RSRC1: variants seen among roughly 807,000 people sequenced by gnomAD.
RSRC1 encodes arginine and serine rich coiled-coil 1, also known as serine/Arginine-related protein 53.
RSRC1 carries 39 observed loss-of-function variants against 49.1 expected under a neutral mutation model. That is an observed-to-expected ratio of 0.79 (90% CI 0.61 to 1.04). The LOEUF (loss-of-function observed/expected upper bound fraction) is 1.04, where lower values mean the gene tolerates loss of function less well. Ranked by LOEUF, RSRC1 falls within the 50% of genes least tolerant of loss-of-function variation. The probability of loss-of-function intolerance (pLI) is 0.00; values close to 1 mark genes in which losing one functional copy is unlikely to be tolerated. For synonymous variants in RSRC1, 143 were observed against 130.8 expected, an observed-to-expected ratio of 1.09 and a Z score of -0.63; for missense variants, 388 against 402.4, an observed-to-expected ratio of 0.96 and a Z score of 0.31.
At chr3:158,166,639 A>G (rs1209828932) in intron 3 of RSRC1, among the ~76,000 whole-genome samples, 1 of 152,182 alleles carries the variant, frequency 6.6e-6, no homozygotes, top group African/African-American at 2.4e-5. Flanking sequence ...TCATTATTCA[A>G]GAATTTGGAG....
chr3:158,144,511 C>T (rs914226674), intron 3 of RSRC1, among the ~76,000 whole-genome samples: 10 of 152,264 alleles, frequency 6.6e-5, no homozygotes, highest in African/African-American at 2.2e-4. Flanking sequence ...ATATGTGCCA[C>T]GTTTTCTTAA....
chr3:158,324,988 A>G (rs1578338155), intron 5 of RSRC1, among the ~76,000 whole-genome samples: 1 of 152,148 alleles, frequency 6.6e-6, no homozygotes, highest in African/African-American at 2.4e-5. Flanking sequence ...GCCAGTGATG[A>G]TGAGCATTGT....
chr3:158,410,053 C>A (rs933415003), intron 6 of RSRC1, among the ~76,000 whole-genome samples: 2 of 152,104 alleles, frequency 1.3e-5, no homozygotes, highest in African/African-American at 2.4e-5. Context: ...TAGTCTCATA[C>A]ATTCAAACAA....
chr3:158,478,311 T>G (rs1327171904), intron 7 of RSRC1, among the ~76,000 whole-genome samples: 2 of 151,966 alleles, frequency 1.3e-5, no homozygotes, highest in Admixed American at 1.3e-4. Context: ...TATGTCTTGT[T>G]GAGATGATCA....
At chr3:158,286,861 C>T (rs1358225479) in intron 4 of RSRC1, among the ~76,000 whole-genome samples, 2 of 152,206 alleles carry the variant, frequency 1.3e-5, no homozygotes, top group Non-Finnish European at 2.9e-5. Context: ...ACTTTTCGCT[C>T]TGTCACCCAG....
At chr3:158,473,290 A>T (rs369538960) in intron 7 of RSRC1, among the ~76,000 whole-genome samples, 14 of 152,228 alleles carry the variant, frequency 9.2e-5, no homozygotes, top group Admixed American at 2.6e-4. Flanking sequence ...TAGACTGGAT[A>T]AAGAAAATGT....
chr3:158,161,577 C>A (rs902233575), intron 3 of RSRC1, among the ~76,000 whole-genome samples: 2 of 151,974 alleles, frequency 1.3e-5, no homozygotes, highest in Non-Finnish European at 2.9e-5. Context: ...GCCTGGCCAA[C>A]ATGGTGAAAC....
At chr3:158,516,866 C>T (rs545102679) in intron 7 of RSRC1, among the ~76,000 whole-genome samples, 1 of 152,316 alleles carries the variant, frequency 6.6e-6, no homozygotes, top group South Asian at 2.1e-4. Context: ...TTTCCAGGTG[C>T]CGTCTGTCAC....
chr3:158,358,491 A>G (rs936518541), intron 6 of RSRC1, among the ~76,000 whole-genome samples: 2 of 152,132 alleles, frequency 1.3e-5, no homozygotes, highest in African/African-American at 4.8e-5. Context: ...GCCTGCCATC[A>G]CCACTTGTTC....
At chr3:158,265,643 A>T (rs531764973) in intron 4 of RSRC1, among the ~76,000 whole-genome samples, 10 of 151,424 alleles carry the variant, frequency 6.6e-5, no homozygotes, top group African/African-American at 1.9e-4. Context: ...AAAAAAAAAA[A>T]TTTTACTCCA....
intron 3 of RSRC1, among the ~76,000 whole-genome samples, chr3:158,177,900 G>A (rs1719331348): frequency 6.6e-6 from 1 of 152,100 alleles, no homozygotes; most frequent in African/African-American, 2.4e-5. Context: ...CAAAAAATGT[G>A]ATTTCGTTGG....
intron 3 of RSRC1, among the ~76,000 whole-genome samples, chr3:158,157,678 G>A (rs1018162120): frequency 2.0e-5 from 3 of 152,186 alleles, no homozygotes; most frequent in Admixed American, 1.3e-4. Flanking sequence ...CACTTTGGGA[G>A]GCCAAGGCAG....
At chr3:158,472,903 A>G (rs1002598395) in intron 7 of RSRC1, among the ~76,000 whole-genome samples, 1 of 152,204 alleles carries the variant, frequency 6.6e-6, no homozygotes, top group African/African-American at 2.4e-5. Flanking sequence ...TGTTTTAGAC[A>G]TGAAGTCCTT....
intron 4 of RSRC1, among the ~76,000 whole-genome samples, chr3:158,240,086 T>G (rs1365059217): frequency 6.6e-6 from 1 of 152,206 alleles, no homozygotes; most frequent in Non-Finnish European, 1.5e-5. Flanking sequence ...TTCATTTATT[T>G]ATGAGTTTTA....
intron 6 of RSRC1, among the ~76,000 whole-genome samples, chr3:158,450,803 CT>C (rs911264652): frequency 4.6e-5 from 7 of 151,666 alleles, no homozygotes; most frequent in African/African-American, 1.2e-4. Flanking sequence ...GCCTATTATG[CT>C]TTTTTAACAT....
intron 1 of RSRC1, among the ~76,000 whole-genome samples, chr3:158,116,584 A>G (rs1029682801): frequency 7.9e-5 from 12 of 152,088 alleles, no homozygotes; most frequent in African/African-American, 2.7e-4. Context: ...GTGACTACTA[A>G]GTATAATTTG....
At chr3:158,290,484 C>T (rs922846660) in intron 4 of RSRC1, among the ~76,000 whole-genome samples, 4 of 152,046 alleles carry the variant, frequency 2.6e-5, no homozygotes, top group Admixed American at 2.6e-4. Flanking sequence ...ATCGTGTTAG[C>T]CAGGATGGTC....
intron 3 of RSRC1, among the ~76,000 whole-genome samples, chr3:158,168,466 C>G (rs1350415114): frequency 6.6e-6 from 1 of 152,176 alleles, no homozygotes; most frequent in Non-Finnish European, 1.5e-5. Flanking sequence ...AATAGGAGAA[C>G]AAGAGTGGTT....
intron 4 of RSRC1, among the ~76,000 whole-genome samples, chr3:158,223,292 G>T (rs1210416179): frequency 6.6e-6 from 1 of 151,554 alleles, no homozygotes; most frequent in African/African-American, 2.4e-5. Flanking sequence ...TGGTAAGGGG[G>T]TTCCATCATT....
Sources: gnomAD v4.1 joint callset for allele counts (sites outside exome capture counted in the v4.1 genomes callset) on GRCh38, gnomAD v4.1.1 for gene constraint, MANE v1.5 for transcripts, NCBI Gene and HGNC (gene_info 2026-07-23, HGNC 2026-07-21) for gene names.